The following RBFOX1 variants were observed in gnomAD, a reference collection of about 807,000 sequenced individuals.
The protein encoded by RBFOX1 is RNA binding protein fox-1 homolog 1.
RBFOX1 carries 8 observed loss-of-function variants against 57.7 expected under a neutral mutation model. The ratio of observed to expected loss-of-function variants is 0.14; its 90% CI spans 0.08 to 0.25. The LOEUF is 0.25. RBFOX1 is among the 10% of genes least tolerant of loss of function. The pLI, the probability that RBFOX1 is intolerant of heterozygous loss-of-function variation, is 1.00. For synonymous variants in RBFOX1, 326 were observed against 222.4 expected (o/e 1.47, Z -4.15); for missense variants, 611 against 548.5 (o/e 1.11, Z -1.14).
At chr16:6,009,045 G>C (rs1271066216) in intron 4 of RBFOX1, among the ~76,000 whole-genome samples, 2 of 152,034 alleles carry the variant, frequency 1.3e-5, no homozygotes, top group Non-Finnish European at 2.9e-5. Flanking sequence ...TAAAAATGGA[G>C]AGGGATGCAA....
chr16:7,173,571 C>T (rs1165266103), intron 4 of RBFOX1, among the ~76,000 whole-genome samples: 1 of 152,056 alleles, frequency 6.6e-6, no homozygotes, highest in Non-Finnish European at 1.5e-5. Flanking sequence ...ATCTCAATTA[C>T]AGTAGTGCAT....
intron 3 of RBFOX1, among the ~76,000 whole-genome samples, chr16:5,721,896 G>A (rs1001614144): frequency 3.9e-5 from 6 of 152,190 alleles, no homozygotes; most frequent in Non-Finnish European, 7.3e-5. Flanking sequence ...TGCTTCATAT[G>A]TGGAAAGACA....
chr16:5,658,338 G>C (rs2049523113), intron 3 of RBFOX1, among the ~76,000 whole-genome samples: 1 of 152,140 alleles, frequency 6.6e-6, no homozygotes, highest in African/African-American at 2.4e-5. Context: ...CAAGTTTGTA[G>C]CTGAAACAAG....
intron 4 of RBFOX1, among the ~76,000 whole-genome samples, chr16:7,152,138 A>G (rs558990194): frequency 4.7e-4 from 71 of 152,294 alleles, no homozygotes; most frequent in Middle Eastern, 3.4e-3. Flanking sequence ...GAAGGTGTCA[A>G]TTCTGTTTGG....
chr16:5,901,778 G>A (rs1340359453), intron 4 of RBFOX1, among the ~76,000 whole-genome samples: 1 of 152,158 alleles, frequency 6.6e-6, no homozygotes, highest in African/African-American at 2.4e-5. Flanking sequence ...TACCCAAATT[G>A]AGCTTTTCTG....
chr16:6,341,909 A>T (rs1361818610), intron 2 of RBFOX1, among the ~76,000 whole-genome samples: 1 of 152,168 alleles, frequency 6.6e-6, no homozygotes, highest in Non-Finnish European at 1.5e-5. Context: ...CACTGAACCC[A>T]CCTGGATCAT....
chr16:6,125,575 C>G lies in RBFOX1; in HGVS notation c.-127+105583C>G, dbSNP rs188091003. Reference sequence around the variant, plus strand: ...TGCCTGGAGTGCACTTCTCATTGGTCAAGGATTAAATTCATGGGAATCGTG... The same window carrying G: ...TGCCTGGAGTGCACTTCTCATTGGTGAAGGATTAAATTCATGGGAATCGTG... On this transcript the variant is annotated intron_variant, in intron 1 of 15. Coordinates refer to ENST00000550418, the MANE Select transcript of RBFOX1 (RefSeq NM_018723.4). Among the ~76,000 whole-genome samples the G allele has an allele frequency of 4.7e-3, 714 of 152,258 alleles. 8 individuals are homozygous for G. The highest frequency in any genetic ancestry group is 0.021 in the Admixed American group (325 of 15,298).
chr16:6,254,930 C>T (rs951840073), intron 1 of RBFOX1, among the ~76,000 whole-genome samples: 1 of 151,996 alleles, frequency 6.6e-6, no homozygotes, highest in Non-Finnish European at 1.5e-5. Flanking sequence ...TTGACCCATT[C>T]AGATTCTCTC....
intron 4 of RBFOX1, among the ~76,000 whole-genome samples, chr16:5,963,358 G>T (rs1357940178): frequency 6.6e-6 from 1 of 152,196 alleles, no homozygotes; most frequent in Non-Finnish European, 1.5e-5. Context: ...GATAAAGAAA[G>T]TTCTGGAGTG....
chr16:7,704,648 G>A (rs767762754), intron 14 of RBFOX1, among the ~76,000 whole-genome samples: 1 of 152,146 alleles, frequency 6.6e-6, no homozygotes, highest in Non-Finnish European at 1.5e-5. Flanking sequence ...TGGAGTTCTC[G>A]TTCCAGGAGG....
At chr16:5,455,006 T>TCTTC (rs2068581798) in intron 1 of RBFOX1, among the ~76,000 whole-genome samples, 3 of 114,846 alleles carry the variant, frequency 2.6e-5, no homozygotes, top group African/African-American at 6.1e-5. Flanking sequence ...TTTCTTTCTT[T>TCTTC]CTTTCTTTCT....
At chr16:6,220,180 CTG>C (rs1298430358) in intron 1 of RBFOX1, among the ~76,000 whole-genome samples, 1 of 152,070 alleles carries the variant, frequency 6.6e-6, no homozygotes, top group Non-Finnish European at 1.5e-5. Flanking sequence ...ATATACATCT[CTG>C]TGTGTCTGTG....
At chr16:6,762,864 C>G (rs1490343891) in intron 3 of RBFOX1, among the ~76,000 whole-genome samples, 1 of 152,108 alleles carries the variant, frequency 6.6e-6, no homozygotes, top group African/African-American at 2.4e-5. Context: ...AGGTACCTCT[C>G]CTTGCCTTGG....
chr16:6,932,351 C>T (rs1349001759), intron 3 of RBFOX1, among the ~76,000 whole-genome samples: 1 of 152,190 alleles, frequency 6.6e-6, no homozygotes, highest in Non-Finnish European at 1.5e-5. Flanking sequence ...AGGTGATCCA[C>T]CTGCCTCAGG....
At chr16:7,507,588 G>C (rs1244794721) in intron 4 of RBFOX1, among the ~76,000 whole-genome samples, 1 of 106,308 alleles carries the variant, frequency 9.4e-6, no homozygotes, top group East Asian at 2.1e-4. Context: ...TTTTGAGACG[G>C]AGTCTTGCTG....
intron 4 of RBFOX1, among the ~76,000 whole-genome samples, chr16:7,264,498 A>AT (rs1342220725): frequency 6.6e-6 from 1 of 152,208 alleles, no homozygotes; most frequent in African/African-American, 2.4e-5. Context: ...CCAAAAGCTA[A>AT]GTATGTTAGT....
chr16:6,508,471 A>C (rs2153767893), intron 2 of RBFOX1, among the ~76,000 whole-genome samples: 1 of 152,278 alleles, frequency 6.6e-6, no homozygotes, highest in South Asian at 2.1e-4. Flanking sequence ...AATTCAAAAA[A>C]CCAAAAAGAA....
chr16:5,285,608 G>C (rs1014582001), intron 1 of RBFOX1, among the ~76,000 whole-genome samples: 17 of 152,266 alleles, frequency 1.1e-4, no homozygotes, highest in Middle Eastern at 6.8e-3. Flanking sequence ...GCTTTTATAG[G>C]GGAAAGACCT....
chr16:7,430,518 C>T (rs969364875), intron 4 of RBFOX1, among the ~76,000 whole-genome samples: 1 of 152,020 alleles, frequency 6.6e-6, no homozygotes, highest in Non-Finnish European at 1.5e-5. Context: ...AAAAATTAGC[C>T]AGCCGTGGTG....
Sources: gnomAD v4.1 joint callset for allele counts (sites outside exome capture counted in the v4.1 genomes callset) on GRCh38, gnomAD v4.1.1 for gene constraint, MANE v1.5 for transcripts, NCBI Gene and HGNC (gene_info 2026-07-23, HGNC 2026-07-21) for gene names.